Variants in NFE2L1 observed in about 807,000 individuals in gnomAD.
The protein encoded by NFE2L1 is endoplasmic reticulum membrane sensor NFE2L1.
Under a neutral mutation model 61.6 loss-of-function variants are expected in NFE2L1, and 18 were observed. That is an observed-to-expected ratio of 0.29 (90% CI 0.20 to 0.43). The LOEUF is 0.43. NFE2L1 is among the 20% of genes least tolerant of loss of function. NFE2L1 has a pLI of 1.00. For missense variants in NFE2L1, 827 were observed against 973.5 expected (o/e 0.85, Z 2.00); for synonymous variants, 419 against 402.7 (o/e 1.04, Z -0.48).
Position 48,058,918 on chromosome 17 carries a change from C to G in NFE2L1, c.1596C>G (p.Thr532=). ...GAVGYSSDSE[T]LDLEEAEGAV... is the part of the protein sequence containing the mutation. The stretch of plus-strand genomic sequence containing the variant: ...TTGGCTACAGCTCTGACTCTGAGAC[C>G]CTGGATCTGGAAGAGGCCGAGGGTG... Residue 532 remains threonine (T), a synonymous_variant, in exon 6 of 6, where the codon ACC becomes ACG. Coordinates refer to ENST00000362042, the MANE Select transcript of NFE2L1 (RefSeq NM_003204.3). 1 of 1,613,876 alleles carries G rather than the reference C, an allele frequency of 6.2e-7. No homozygotes were observed. The highest frequency in any genetic ancestry group is 8.5e-7 in the Non-Finnish European group (1 of 1,180,036).
At position 48,059,260 on chromosome 17, in the gene NFE2L1, G is replaced by C; in HGVS notation, c.1938G>C (p.Gln646His). 6.2e-7 allele frequency: 1 copy of C among 1,614,222 alleles called. No homozygotes were observed. Among genetic ancestry groups the C allele is most frequent in the Non-Finnish European group, 8.5e-7 (1 of 1,180,048 alleles). The change falls in exon 6 of 6, where the codon CAG (glutamine) becomes CAC (histidine). Residue 646 changes from glutamine to histidine, a missense_variant. Physicochemically the swap from Gln to His is conservative, Grantham distance 24. This residue lies in a region of NFE2L1 where 74 missense variants were observed against 127.8 expected (regional missense o/e 0.58). Transcript: ENST00000362042. The surrounding 1 kb of genome is among the most constrained non-coding windows in gnomAD (Gnocchi z 6.1). ...TCAATGAACTGCTGTCCAAATACCA[G>C]TTGAGTGAAGCCCAGCTGAGCCTCA... ...EEFNELLSKY[Q>H]LSEAQLSLIR...
At chr17:48,054,531 T>G in intron 2 of NFE2L1, 2 of 1,135,216 alleles carry the variant, frequency 1.8e-6, no homozygotes, top group Non-Finnish European at 2.2e-6. Flanking sequence ...GGATTGGCTC[T>G]TTGCGCAGCC....
At chr17:48,057,170 A>G in intron 4 of NFE2L1, 49 bp downstream of exon 4, 1 of 1,604,924 alleles carries the variant, frequency 6.2e-7, no homozygotes. Flanking sequence ...GGCAGCCTGT[A>G]CCTGGTGTGT....
chr17:48,051,848 T>C (rs1463282378), intron 2 of NFE2L1, among the ~76,000 whole-genome samples: 2 of 152,050 alleles, frequency 1.3e-5, no homozygotes, highest in African/African-American at 2.4e-5. Flanking sequence ...CTAAATGTAC[T>C]GTCAGGGCAG....
chr17:48,059,907 A>C lies in NFE2L1; in HGVS notation c.*266A>C, dbSNP rs1598295895. 4.4e-6 allele frequency: 2 copies of C among 454,034 alleles called. No individual in the cohort carries two copies. Among genetic ancestry groups the C allele is most frequent in the East Asian group, 6.7e-5 (2 of 29,660 alleles). The allele number at this position is 454,034 out of a possible 1,614,324, so 28.1% of individuals were successfully genotyped here. A position where few individuals can be genotyped will look rare whatever the true frequency, so the allele number is the denominator to read the frequency against. On this transcript the variant is annotated 3_prime_UTR_variant, in exon 6 of 6. Transcript: ENST00000362042. This position sits in a 1 kb window ranked among gnomAD's most constrained non-coding sequence, Gnocchi z 6.1. Reference sequence around the variant, plus strand: ...TCCTGTGAGGCAGGGGTGGTGGTGGAGTTGCTGGAGGTAGAGGAGCTATGT... The same window carrying C: ...TCCTGTGAGGCAGGGGTGGTGGTGGCGTTGCTGGAGGTAGAGGAGCTATGT...
In NFE2L1 at chr17:48,059,011, A is replaced by G. The variant is rs200538929; in HGVS notation, c.1689A>G (p.Ser563=). ...GCTACCAGGATCCAGCTCAGCTCTCATGCCTGCCCTACCTGGAGCACGTGG... is the reference window on the plus strand; with the variant it reads ...GCTACCAGGATCCAGCTCAGCTCTCGTGCCTGCCCTACCTGGAGCACGTGG... The part of the protein sequence containing the change: ...RMSYQDPAQL[S]CLPYLEHVGH... Residue 563 remains serine, a synonymous_variant, in exon 6 of 6, where the codon TCA becomes TCG. Coordinates refer to ENST00000362042, the MANE Select transcript of NFE2L1 (RefSeq NM_003204.3). This position sits in a 1 kb window ranked among gnomAD's most constrained non-coding sequence, Gnocchi z 6.1. 2.4e-4 allele frequency: 385 copies of G among 1,613,900 alleles called. No homozygotes were observed. Among genetic ancestry groups the G allele is most frequent in the Non-Finnish European group, 3.2e-4 (374 of 1,180,022 alleles).
intron 2 of NFE2L1, 129 bp from the exon 3 acceptor site, chr17:48,056,257 G>A (rs2037398158): frequency 5.7e-6 from 5 of 883,976 alleles, no homozygotes; most frequent in Non-Finnish European, 9.1e-6. Context: ...GGTAAAGGCT[G>A]GCAGGTGAAG....
rs1169834549 is a variant in NFE2L1, at chr17:48,051,501, G to A, written c.383G>A (p.Ser128Asn). ...PNSGLALESS[S>N]GLQDVTGPDN... ...TCAGGCCTCGCCCTCGAGAGTTCCAGTGGCCTCCAAGATGTGACAGGCCCA... is the reference window on the plus strand; with the variant it reads ...TCAGGCCTCGCCCTCGAGAGTTCCAATGGCCTCCAAGATGTGACAGGCCCA... The change falls in exon 2 of 6, where the codon AGT becomes AAT. Residue 128 changes from serine (S) to asparagine (N), a missense_variant. Transcript: ENST00000362042. 6.2e-7 allele frequency: 1 copy of A among 1,614,208 alleles called. No individual in the cohort carries two copies. The highest frequency in any genetic ancestry group is 1.7e-5 in the Admixed American group (1 of 60,032).
intron 3 of NFE2L1, among the ~76,000 whole-genome samples, 172 bp from the exon 4 acceptor site, chr17:48,056,860 T>C (rs2037414513): frequency 6.9e-6 from 1 of 144,626 alleles, no homozygotes; most frequent in South Asian, 2.1e-4. Flanking sequence ...TCCTGCTTGC[T>C]TCAGGACTCT....
At chr17:48,049,789 A>G (rs1177748572) in intron 1 of NFE2L1, among the ~76,000 whole-genome samples, 1 of 152,180 alleles carries the variant, frequency 6.6e-6, no homozygotes, top group African/African-American at 2.4e-5. Context: ...TGGCCTGAAC[A>G]TTGTCCTTTT....
intron 2 of NFE2L1, among the ~76,000 whole-genome samples, chr17:48,053,506 G>C (rs1262215255): frequency 6.6e-6 from 1 of 152,222 alleles, no homozygotes; most frequent in Non-Finnish European, 1.5e-5. Context: ...GTACTCCCCC[G>C]CTGCCAGGCC....
chr17:48,057,489 T>G lies in NFE2L1; in HGVS notation c.959T>G (p.Ile320Ser). The change falls in exon 5 of 6, where the codon ATC becomes AGC. Residue 320 changes from isoleucine (I) to serine (S), a missense_variant. Physicochemically the swap from Ile to Ser is moderately radical, Grantham distance 142 (BLOSUM62 -2). Coordinates refer to ENST00000362042, the MANE Select transcript of NFE2L1 (RefSeq NM_003204.3). Reference protein sequence around the residue: ...LEQQWQDLMSIMEMQAMEVNT... With the variant: ...LEQQWQDLMSSMEMQAMEVNT... ...CAGCAGTGGCAAGATCTCATGTCCA[T>G]CATGGAAATGCAGGTAGGATTGTCG... is the stretch of plus-strand genomic sequence containing the variant. 1 of 1,613,130 alleles carries G rather than the reference T, an allele frequency of 6.2e-7. No individual in the cohort carries two copies.
Position 48,048,366 on chromosome 17 carries a change from G to A in NFE2L1, c.-609G>A, listed in dbSNP as rs572847956. On this transcript the variant is annotated 5_prime_UTR_variant, in exon 1 of 6. Coordinates refer to ENST00000362042, the MANE Select transcript of NFE2L1 (RefSeq NM_003204.3). ...AGGAGGGGGCGGGGAGGTAAGCGGAGGCTCCGAGCTCTAGGCCGGCCGGCG... is the reference window on the plus strand; with the variant it reads ...AGGAGGGGGCGGGGAGGTAAGCGGAAGCTCCGAGCTCTAGGCCGGCCGGCG... 194 of 152,822 alleles carry A rather than the reference G, an allele frequency of 1.3e-3. No homozygotes were observed. The highest frequency in any genetic ancestry group is 4.5e-3 in the African/African-American group (186 of 41,592). 9.5% of individuals were successfully genotyped at this position (152,822 alleles called of 1,614,324 possible).
chr17:48,057,934 A>T (rs556184999), intron 5 of NFE2L1, among the ~76,000 whole-genome samples: 2 of 152,206 alleles, frequency 1.3e-5, no homozygotes, highest in Non-Finnish European at 2.9e-5. Context: ...TGATGTGCCC[A>T]TCGTCACACA....
At chr17:48,049,304 A>G (rs1269457772) in intron 1 of NFE2L1, 4 of 152,240 alleles carry the variant, frequency 2.6e-5, no homozygotes, top group Admixed American at 6.5e-5. Flanking sequence ...TGAAAATAAA[A>G]CCTGCCTATG....
intron 5 of NFE2L1, 104 bp from the exon 6 acceptor site, chr17:48,058,191 C>T (rs1038756264): frequency 8.1e-5 from 119 of 1,473,910 alleles, no homozygotes; most frequent in Middle Eastern, 1.8e-4. Context: ...AGTATTTTGC[C>T]TTTACACCCA....
chr17:48,057,387 A>C lies in NFE2L1; in HGVS notation c.857A>C (p.Glu286Ala). Residue 286 changes from glutamate to alanine, a missense_variant, in exon 5 of 6, where the codon GAG (glutamate) becomes GCG (alanine). Physicochemically the swap from Glu to Ala is moderately radical, Grantham distance 107 (BLOSUM62 -1). Coordinates refer to ENST00000362042, the MANE Select transcript of NFE2L1 (RefSeq NM_003204.3). ...ISSITEAVPS[E>A]SEPPALQNNL... ...AGCATAACAGAAGCAGTGCCTAGTG[A>C]GAGTGAGCCCCCTGCTCTTCAAAAC... is the stretch of plus-strand genomic sequence containing the variant. 6.2e-7 allele frequency: 1 copy of C among 1,614,148 alleles called. No homozygotes were observed. Among genetic ancestry groups the C allele is most frequent in the Non-Finnish European group, 8.5e-7 (1 of 1,180,018 alleles).
In NFE2L1 at chr17:48,060,993, T is replaced by C. The variant is rs1029644746; in HGVS notation, c.*1352T>C. On this transcript the variant is annotated 3_prime_UTR_variant, in exon 6 of 6. Transcript: ENST00000362042. ...TTTCTCCTCTGTCCCGAGGTCGTCG[T>C]CTGCTTTCTTTTTTGGGTTTCTTTC... 6.6e-6 allele frequency: 1 copy of C among 152,670 alleles called. No individual in the cohort carries two copies. Among genetic ancestry groups the C allele is most frequent in the African/African-American group, 2.4e-5 (1 of 41,448 alleles). The allele number at this position is 152,670 out of a possible 1,614,324, so 9.5% of individuals were successfully genotyped here.
rs2037547865 is a variant in NFE2L1, at chr17:48,061,539, CATT to C, written c.*1899_*1901del. The C allele has an allele frequency of 6.6e-6, 1 of 152,276 alleles. No individual in the cohort carries two copies. The highest frequency in any genetic ancestry group is 6.5e-5 in the Admixed American group (1 of 15,294). 9.4% of individuals were successfully genotyped at this position (152,276 alleles called of 1,614,324 possible). ...AAATTGAGAATAAAGGAAATGGACT[CATT>C]GTAGGGAGGACTGGCCATTGCGTGG... On this transcript the variant is annotated 3_prime_UTR_variant, in exon 6 of 6. Coordinates refer to ENST00000362042, the MANE Select transcript of NFE2L1 (RefSeq NM_003204.3).
Sources: gnomAD v4.1 joint callset for allele counts (sites outside exome capture counted in the v4.1 genomes callset) on GRCh38, gnomAD v4.1.1 for gene constraint, gnomAD v4.1.1 regional missense constraint, Gnocchi (gnomAD v3.1) non-coding constraint, MANE v1.5 for transcripts, NCBI Gene and HGNC (gene_info 2026-07-23, HGNC 2026-07-21) for gene names.